RXRA: variants seen among roughly 807,000 people sequenced by gnomAD.
RXRA encodes retinoid X receptor alpha, also known as retinoic acid receptor RXR-alpha.
A neutral mutation model predicts 44.5 loss-of-function variants in RXRA; 5 were observed. The ratio of observed to expected loss-of-function variants is 0.11; its 90% confidence interval spans 0.06 to 0.24. The LOEUF is 0.24. Ranked by LOEUF, RXRA falls within the 10% of genes least tolerant of loss-of-function variation. The pLI is 1.00. For missense variants in RXRA, 412 were observed against 646.5 expected, an observed-to-expected ratio of 0.64 and a Z score of 3.93; for synonymous variants, 291 against 271.4, an observed-to-expected ratio of 1.07 and a Z score of -0.71.
At chr9:134,373,253 C>A (rs1332110960) in intron 1 of RXRA, among the ~76,000 whole-genome samples, 2 of 152,148 alleles carry the variant, frequency 1.3e-5, no homozygotes, top group Non-Finnish European at 2.9e-5. Flanking sequence ...TGGTGCTGTT[C>A]TTGGGCTAGG....
chr9:134,367,655 G>T (rs1032700653), intron 1 of RXRA, among the ~76,000 whole-genome samples: 3 of 152,348 alleles, frequency 2.0e-5, no homozygotes, highest in South Asian at 4.1e-4. Context: ...CCCTTTGTGG[G>T]GGCCTCAACT....
At chr9:134,400,141 C>CT (rs1157508900) in intron 1 of RXRA, among the ~76,000 whole-genome samples, 1 of 152,186 alleles carries the variant, frequency 6.6e-6, no homozygotes, top group Non-Finnish European at 1.5e-5. Flanking sequence ...TGGTGGCATC[C>CT]TAAAGCTCAT....
chr9:134,374,809 G>A (rs532038911), intron 1 of RXRA, among the ~76,000 whole-genome samples: 7 of 152,250 alleles, frequency 4.6e-5, no homozygotes, highest in Non-Finnish European at 8.8e-5. Context: ...AGTGCCTCGT[G>A]TTACTGCTTG....
intron 6 of RXRA, chr9:134,423,758 G>A (rs1242583707): frequency 2.0e-6 from 2 of 985,340 alleles, no homozygotes; most frequent in African/African-American, 3.5e-5. Context: ...TTGTTTGCAG[G>A]GGCTCCCCCA....
intron 1 of RXRA, among the ~76,000 whole-genome samples, chr9:134,397,784 C>T (rs75963737): frequency 0.011 from 1,716 of 152,208 alleles, 29 homozygotes; most frequent in African/African-American, 0.039. Flanking sequence ...TCCCAGATCC[C>T]GCCATTCAGT....
intron 1 of RXRA, among the ~76,000 whole-genome samples, chr9:134,352,849 G>T (rs1018712128): frequency 1.4e-4 from 21 of 152,292 alleles, no homozygotes; most frequent in African/African-American, 5.1e-4. Context: ...TCTCTCTTTG[G>T]CAGGGAATCA....
intron 1 of RXRA, among the ~76,000 whole-genome samples, chr9:134,332,988 G>T (rs1322695831): frequency 1.3e-5 from 2 of 152,168 alleles, no homozygotes; most frequent in African/African-American, 4.8e-5. Context: ...ACGGGTATGG[G>T]TGAGGCACCT....
At chr9:134,401,249 T>C (rs1404764449) in intron 1 of RXRA, 1 of 301,078 alleles carries the variant, frequency 3.3e-6, no homozygotes, top group East Asian at 9.9e-5. Context: ...CCTGTGGAGA[T>C]GGGCAGAGGG....
intron 1 of RXRA, among the ~76,000 whole-genome samples, chr9:134,347,360 G>A (rs111817146): frequency 2.0e-5 from 3 of 152,250 alleles, no homozygotes; most frequent in Admixed American, 2.0e-4. Context: ...TGAATTGCGG[G>A]TGCTCGTGGT....
Position 134,436,650 on chromosome 9 carries a change from G to A in RXRA, c.*36G>A. On this transcript the variant is annotated 3_prime_UTR_variant, in exon 10 of 10. Coordinates refer to ENST00000481739, the MANE Select transcript of RXRA (RefSeq NM_002957.6). ...CCATCCTTTGTGCCCACCCGTTCTG[G>A]CCACCCTGCCTGGACGCCAGCTGTT... 6.2e-7 allele frequency: 1 copy of A among 1,611,358 alleles called. No individual in the cohort carries two copies. Among genetic ancestry groups the A allele is most frequent in the Non-Finnish European group, 8.5e-7 (1 of 1,178,600 alleles).
In RXRA at chr9:134,396,205, C is replaced by T. The variant is rs978379060; in HGVS notation, c.29-5427C>T. Among the ~76,000 whole-genome samples, 5 of 152,304 alleles carry T rather than the reference C, an allele frequency of 3.3e-5. No individual in the cohort carries two copies. The East Asian group carries it at 9.7e-4, about 29-fold the overall frequency. Reference sequence around the variant, plus strand: ...AAGGGTGAGCAGAAGCCCATTCTCACCATGGCCGGCATCTCCTGGGTTGGG... The same window carrying T: ...AAGGGTGAGCAGAAGCCCATTCTCATCATGGCCGGCATCTCCTGGGTTGGG... On this transcript the variant is annotated intron_variant, in intron 1 of 9. Transcript: ENST00000481739.
intron 1 of RXRA, among the ~76,000 whole-genome samples, chr9:134,389,544 T>C (rs1340405054): frequency 6.6e-6 from 1 of 151,846 alleles, no homozygotes; most frequent in Non-Finnish European, 1.5e-5. Context: ...GCCTGGGGCT[T>C]TGGATTTTGG....
intron 5 of RXRA, among the ~76,000 whole-genome samples, chr9:134,421,084 T>G (rs1831321993): frequency 6.6e-6 from 1 of 152,250 alleles, no homozygotes; most frequent in African/African-American, 2.4e-5. Flanking sequence ...ATATCCAGTT[T>G]CGTCAGCTCG....
chr9:134,355,830 C>T (rs909359340), intron 1 of RXRA, among the ~76,000 whole-genome samples: 5 of 152,168 alleles, frequency 3.3e-5, no homozygotes, highest in African/African-American at 1.2e-4. Flanking sequence ...GGGCCCTGGG[C>T]TCACCCTGCC....
intron 1 of RXRA, among the ~76,000 whole-genome samples, chr9:134,367,062 ATCTTTTT>A (rs1830423280): frequency 6.6e-6 from 1 of 152,142 alleles, no homozygotes; most frequent in South Asian, 2.1e-4. Context: ...CGTAACAGTC[ATCTTTTT>A]AAGGCGTGCA....
At chr9:134,382,139 G>A (rs576641040) in intron 1 of RXRA, among the ~76,000 whole-genome samples, 67 of 152,282 alleles carry the variant, frequency 4.4e-4, no homozygotes, top group African/African-American at 1.6e-3. Context: ...GGGGCGCAGG[G>A]CAGTGGGCTG....
rs981111395 is a variant in RXRA, at chr9:134,426,286, A to G, written c.911-2822A>G. ...TGCCGGGCCCCCACATCACAGGGCC[A>G]GGAGCCCTCCTTCCTGCAGCGATGG... On this transcript the variant is annotated intron_variant, in intron 6 of 9. Coordinates refer to ENST00000481739, the MANE Select transcript of RXRA (RefSeq NM_002957.6). This position sits in a 1 kb window ranked among gnomAD's most constrained non-coding sequence, Gnocchi z 4.6. The G allele has an allele frequency of 4.1e-6, 4 of 985,440 alleles. No individual in the cohort carries two copies. Among genetic ancestry groups the G allele is most frequent in the African/African-American group, 1.7e-5 (1 of 57,376 alleles). 61.0% of individuals were successfully genotyped at this position (985,440 alleles called of 1,614,324 possible). A position where few individuals can be genotyped will look rare whatever the true frequency, so the allele number is the denominator to read the frequency against.
chr9:134,422,087 C>T, intron 6 of RXRA: 1 of 1,364,016 alleles, frequency 7.3e-7, no homozygotes, highest in East Asian at 3.9e-5. Flanking sequence ...TCTCCCAGGA[C>T]ACTCCCGACT....
At chr9:134,419,189 G>C (rs1356569732) in intron 5 of RXRA, among the ~76,000 whole-genome samples, 5 of 152,238 alleles carry the variant, frequency 3.3e-5, no homozygotes, top group Non-Finnish European at 7.3e-5. Flanking sequence ...CGCCTCACCA[G>C]CCTCGCGGAG....
Sources: gnomAD v4.1 joint callset for allele counts (sites outside exome capture counted in the v4.1 genomes callset) on GRCh38, gnomAD v4.1.1 for gene constraint, Gnocchi (gnomAD v3.1) non-coding constraint, MANE v1.5 for transcripts, NCBI Gene and HGNC (gene_info 2026-07-23, HGNC 2026-07-21) for gene names.